TCF4: variants seen among roughly 807,000 people sequenced by gnomAD.
The protein encoded by TCF4 is transcription factor 4.
A neutral mutation model predicts 82.1 loss-of-function variants in TCF4; 3 were observed. The observed-to-expected ratio is 0.04, with a 90% confidence interval of 0.02 to 0.09. The LOEUF is 0.09. Ranked by LOEUF, TCF4 falls within the 10% of genes least tolerant of loss-of-function variation. The probability of loss-of-function intolerance (pLI) is 1.00; values close to 1 mark genes in which losing one functional copy is unlikely to be tolerated. For missense variants in TCF4, 518 were observed against 852.7 expected (o/e 0.61, Z 4.89); for synonymous variants, 276 against 309.6 (o/e 0.89, Z 1.14).
intron 3 of TCF4, among the ~76,000 whole-genome samples, chr18:55,473,620 A>G (rs1191833267): frequency 4.6e-5 from 7 of 152,172 alleles, no homozygotes; most frequent in Non-Finnish European, 7.3e-5. Flanking sequence ...ACAAATGATC[A>G]ATCTTGCATG....
intron 11 of TCF4, chr18:55,264,874 G>C (rs1004849378): frequency 6.6e-6 from 1 of 152,120 alleles, no homozygotes; most frequent in Non-Finnish European, 1.5e-5. Flanking sequence ...AAATATGAAT[G>C]GAAGATGAGC....
intron 3 of TCF4, among the ~76,000 whole-genome samples, chr18:55,526,783 C>G (rs922929347): frequency 1.3e-5 from 2 of 151,996 alleles, no homozygotes; most frequent in African/African-American, 4.8e-5. Flanking sequence ...CAGATCTAAC[C>G]CTCAACTGGA....
At chr18:55,367,248 G>A (rs1336168340) in intron 6 of TCF4, among the ~76,000 whole-genome samples, 3 of 152,158 alleles carry the variant, frequency 2.0e-5, no homozygotes, top group South Asian at 2.1e-4. Flanking sequence ...ATGTGTATGC[G>A]AGTGTGTGTA....
At chr18:55,464,535 A>C (rs1233271042) in intron 3 of TCF4, among the ~76,000 whole-genome samples, 1 of 152,232 alleles carries the variant, frequency 6.6e-6, no homozygotes, top group Non-Finnish European at 1.5e-5. Context: ...CACCTTTAGC[A>C]TCCTCGCCAT....
intron 5 of TCF4, among the ~76,000 whole-genome samples, chr18:55,453,546 T>C (rs2095669001): frequency 6.6e-6 from 1 of 152,192 alleles, no homozygotes. Flanking sequence ...CTGTTGGCCA[T>C]AGTTTTCAAG....
rs538616300 is a variant in TCF4 at position 55,380,456 on chromosome 18, C to T, written c.369+22998G>A. ...CTGACAGGCCCCAGTGTGTCTTCCTCTTCTTATAAGGACATTAATTCCTTC... is the reference window on the plus strand; with the variant it reads ...CTGACAGGCCCCAGTGTGTCTTCCTTTTCTTATAAGGACATTAATTCCTTC... On this transcript the variant is annotated intron_variant, in intron 6 of 19. Coordinates refer to ENST00000354452, the MANE Select transcript of TCF4 (RefSeq NM_001083962.2). Among the ~76,000 whole-genome samples the T allele has an allele frequency of 8.0e-4, 122 of 152,106 alleles. No individual in the cohort carries two copies. In the South Asian group the frequency reaches 0.024, roughly 29 times the overall value.
intron 3 of TCF4, among the ~76,000 whole-genome samples, chr18:55,473,939 G>C (rs1333634287): frequency 6.6e-6 from 1 of 152,116 alleles, no homozygotes; most frequent in African/African-American, 2.4e-5. Flanking sequence ...TCAAGATACA[G>C]ACCCCTTAAG....
At chr18:55,431,339 G>C (rs1372810583) in intron 5 of TCF4, among the ~76,000 whole-genome samples, 1 of 152,160 alleles carries the variant, frequency 6.6e-6, no homozygotes, top group Admixed American at 6.5e-5. Context: ...GAGTGCAATG[G>C]GGCGATCTCG....
rs11664992 is a variant in TCF4 at position 55,257,117 on chromosome 18, T to C, written c.1146+198A>G. Among the ~76,000 whole-genome samples the C allele has an allele frequency of 0.23, 35,697 of 152,046 alleles. 4,485 individuals are homozygous for C. Among genetic ancestry groups the C allele is most frequent in the East Asian group, 0.32 (1,664 of 5,152 alleles). ...GATATTTAGAGCCCTGGGGCTGCCA[T>C]TACAGTAGTATCTGGGTTCCCATCT... On this transcript the variant is annotated intron_variant, in intron 14 of 19. Coordinates refer to ENST00000354452, the MANE Select transcript of TCF4 (RefSeq NM_001083962.2).
chr18:55,434,717 G>A lies in TCF4; in HGVS notation c.304+26302C>T, dbSNP rs896900459. On this transcript the variant is annotated intron_variant, in intron 5 of 19. Coordinates refer to ENST00000354452, the MANE Select transcript of TCF4 (RefSeq NM_001083962.2). ...GCTGGGATTACAGGCGTGAGCCACC[G>A]TGCCCGGCCAGGAATACAGGACATT... 8.0e-5 allele frequency among the ~76,000 whole-genome samples: 12 copies of A among 150,072 alleles called. 1 individual carries two copies. The highest frequency in any genetic ancestry group is 4.0e-4 in the East Asian group (2 of 5,048).
rs2063527383 is a variant in TCF4, at chr18:55,285,709, G to A, written c.550-6053C>T. Among the ~76,000 whole-genome samples the A allele has an allele frequency of 2.0e-5, 3 of 152,152 alleles. No homozygotes were observed. The South Asian group carries it at 6.2e-4, about 32-fold the overall frequency. On this transcript the variant is annotated intron_variant, in intron 8 of 19. Coordinates refer to ENST00000354452, the MANE Select transcript of TCF4 (RefSeq NM_001083962.2). ...GTGTAGAGTCATGTTCATCCATGAG[G>A]AAGGCACTGGGCCATGTTTGCCACT...
chr18:55,596,416 T>A (rs1393004214), intron 2 of TCF4, among the ~76,000 whole-genome samples: 1 of 152,252 alleles, frequency 6.6e-6, no homozygotes, highest in African/African-American at 2.4e-5. Flanking sequence ...AAGGGTATAA[T>A]GCTCTGTCAT....
chr18:55,573,008 G>A (rs978856463), intron 3 of TCF4, among the ~76,000 whole-genome samples: 22 of 151,722 alleles, frequency 1.5e-4, no homozygotes, highest in South Asian at 2.1e-4. Flanking sequence ...AGCTGAGACC[G>A]CGCCATTGCA....
Position 55,279,635 on chromosome 18 carries a change from T to G in TCF4, c.571A>C (p.Thr191Pro). ...PSSVYAPSAS[T>P]ADYNRDSPGY... ...GGCGAGTCCCTATTGTAGTCGGCAG[T>G]GCTTGCTGATGGAGCATAGACCTGA... Residue 191 changes from threonine (T) to proline (P), a missense_variant, in exon 9 of 20, where the codon ACT becomes CCT. Coordinates refer to ENST00000354452, the MANE Select transcript of TCF4 (RefSeq NM_001083962.2). 1 of 1,613,976 alleles carries G rather than the reference T, an allele frequency of 6.2e-7. No individual in the cohort carries two copies.
intron 10 of TCF4, among the ~76,000 whole-genome samples, chr18:55,274,282 C>T (rs1601039112): frequency 6.6e-6 from 1 of 152,120 alleles, no homozygotes; most frequent in East Asian, 1.9e-4. Context: ...AAGTCATCTG[C>T]TATTTACTGG....
rs564455158 is a variant in TCF4, at chr18:55,359,728, C to A, written c.370-8725G>T. Among the ~76,000 whole-genome samples the A allele has an allele frequency of 7.9e-4, 121 of 152,208 alleles. 1 individual carries two copies. Among genetic ancestry groups the A allele is most frequent in the Non-Finnish European group, 1.6e-3 (106 of 68,048 alleles). On this transcript the variant is annotated intron_variant, in intron 6 of 19. Coordinates refer to ENST00000354452, the MANE Select transcript of TCF4 (RefSeq NM_001083962.2). The stretch of plus-strand genomic sequence containing the variant: ...AACATCACCTCATGAATGCTTCATA[C>A]AAAACATAAAATTTGATCCTTAATA...
chr18:55,325,544 A>C (rs1202297777), intron 8 of TCF4, among the ~76,000 whole-genome samples: 1 of 152,216 alleles, frequency 6.6e-6, no homozygotes, highest in African/African-American at 2.4e-5. Context: ...AAGGCAGGCA[A>C]CTCAACAAAT....
intron 2 of TCF4, among the ~76,000 whole-genome samples, chr18:55,613,538 C>T (rs2097709135): frequency 6.6e-6 from 1 of 152,104 alleles, no homozygotes; most frequent in African/African-American, 2.4e-5. Context: ...CTAAATGAGA[C>T]TGGGTAATTT....
At chr18:55,562,650 A>T (rs1023676382) in intron 3 of TCF4, among the ~76,000 whole-genome samples, 3 of 151,918 alleles carry the variant, frequency 2.0e-5, no homozygotes, top group Non-Finnish European at 4.4e-5. Flanking sequence ...AATAAAACCA[A>T]CTCACCCAAT....
Sources: gnomAD v4.1 joint callset for allele counts (sites outside exome capture counted in the v4.1 genomes callset) on GRCh38, gnomAD v4.1.1 for gene constraint, MANE v1.5 for transcripts, NCBI Gene and HGNC (gene_info 2026-07-23, HGNC 2026-07-21) for gene names.